PCNX2: variants seen among roughly 807,000 people sequenced by gnomAD.
PCNX2 encodes pecanex 2.
Under a neutral mutation model 223.8 loss-of-function variants are expected in PCNX2, and 168 were observed. The observed-to-expected ratio is 0.75, with a 90% CI of 0.66 to 0.85. The LOEUF (loss-of-function observed/expected upper bound fraction) is 0.85, where lower values mean the gene tolerates loss of function less well. PCNX2 is among the 40% of genes least tolerant of loss of function. The pLI, the probability that PCNX2 is intolerant of heterozygous loss-of-function variation, is 0.00. For synonymous variants in PCNX2, 1,006 were observed against 1,052.6 expected, an observed-to-expected ratio of 0.96 and a Z score of 0.86; for missense variants, 2,507 against 2,675.5, an observed-to-expected ratio of 0.94 and a Z score of 1.39.
chr1:233,054,136 G>T (rs1672105477), intron 25 of PCNX2, 132 bp downstream of exon 25: 1 of 722,352 alleles, frequency 1.4e-6, no homozygotes, highest in Admixed American at 2.8e-5. Context: ...TCAAGGTAGT[G>T]GTGGCAAGCT....
At chr1:233,238,295 T>G (rs912921869) in intron 8 of PCNX2, among the ~76,000 whole-genome samples, 1 of 152,242 alleles carries the variant, frequency 6.6e-6, no homozygotes, top group Non-Finnish European at 1.5e-5. Flanking sequence ...ACACCTTTCA[T>G]GATAAAGTTT....
upstream of PCNX2, among the ~76,000 whole-genome samples, chr1:233,297,584 C>T (rs988859456): frequency 6.6e-6 from 1 of 152,066 alleles, no homozygotes; most frequent in African/African-American, 2.4e-5. Flanking sequence ...GAATAGTTCT[C>T]CAGGCACATG....
Position 233,250,817 on chromosome 1 carries a change from C to T in PCNX2, c.2144G>A (p.Cys715Tyr), listed in dbSNP as rs1162959511. 1 of 1,592,652 alleles carries T rather than the reference C, an allele frequency of 6.3e-7. No individual in the cohort carries two copies. The highest frequency in any genetic ancestry group is 8.6e-7 in the Non-Finnish European group (1 of 1,168,490). ...TTTCTGATTTCCAGATTTTAAATAA[C>T]AGGATCTAATTTCCCCTGTAAAATC... is the stretch of plus-strand genomic sequence containing the variant. The part of the protein sequence containing the change: ...FIDEHGEIRS[C>Y]YLKSGNQKEG... Residue 715 changes from cysteine to tyrosine, a missense_variant, in exon 8 of 34, where the codon TGT becomes TAT. Cys to Tyr is a radical substitution (Grantham distance 194, BLOSUM62 -2). Transcript: ENST00000258229.
intron 25 of PCNX2, among the ~76,000 whole-genome samples, chr1:233,039,275 G>A (rs1671563214): frequency 6.6e-6 from 1 of 151,832 alleles, no homozygotes; most frequent in South Asian, 2.1e-4. Context: ...TCCCTCTCAA[G>A]CAGGGAGTCT....
At chr1:233,210,742 C>T (rs926273773) in intron 12 of PCNX2, among the ~76,000 whole-genome samples, 1 of 152,158 alleles carries the variant, frequency 6.6e-6, no homozygotes, top group Non-Finnish European at 1.5e-5. Flanking sequence ...GAAGTCTGAT[C>T]ATAATCTCTT....
the PCNX2 span, among the ~76,000 whole-genome samples, chr1:233,321,308 A>AT: frequency 6.6e-6 from 1 of 151,512 alleles, no homozygotes; most frequent in Non-Finnish European, 1.5e-5. Context: ...ATTTCTTTTT[A>AT]TTTTTTTGAG....
At chr1:233,282,893 G>A (rs1313988684) in intron 1 of PCNX2, among the ~76,000 whole-genome samples, 2 of 152,024 alleles carry the variant, frequency 1.3e-5, no homozygotes, top group East Asian at 3.8e-4. Flanking sequence ...ATAGCTACAA[G>A]TGAACCTAAC....
At chr1:232,988,867 TG>T (rs1322900217) in intron 32 of PCNX2, among the ~76,000 whole-genome samples, 2 of 152,224 alleles carry the variant, frequency 1.3e-5, no homozygotes, top group Admixed American at 1.3e-4. Context: ...TAGATGAGGC[TG>T]GCGTAGTGAG....
At chr1:233,251,054 T>C (rs1352281775) in intron 7 of PCNX2, among the ~76,000 whole-genome samples, 1 of 151,958 alleles carries the variant, frequency 6.6e-6, no homozygotes, top group East Asian at 1.9e-4. Flanking sequence ...TTCGACCTGC[T>C]TCCCTGCTAA....
At chr1:233,161,192 A>G (rs1678452315) in intron 18 of PCNX2, 79 bp downstream of exon 18, 11 of 1,338,590 alleles carry the variant, frequency 8.2e-6, no homozygotes, top group Non-Finnish European at 1.2e-5. Flanking sequence ...TGTCTTGTCA[A>G]TACCCTGTAG....
intron 17 of PCNX2, among the ~76,000 whole-genome samples, chr1:233,174,170 G>T: frequency 1.1e-5 from 1 of 94,714 alleles, no homozygotes; most frequent in African/African-American, 3.6e-5. Context: ...ATATTATATA[G>T]TATTATAATA....
chr1:233,256,231 T>C (rs1355342318), intron 5 of PCNX2, among the ~76,000 whole-genome samples: 1 of 152,150 alleles, frequency 6.6e-6, no homozygotes, highest in Admixed American at 6.5e-5. Context: ...AAACTTTACA[T>C]ACAGCCTGAG....
chr1:233,086,494 A>G (rs1673605894), intron 23 of PCNX2, among the ~76,000 whole-genome samples: 1 of 151,446 alleles, frequency 6.6e-6, no homozygotes, highest in Non-Finnish European at 1.5e-5. Flanking sequence ...CGTCTCTACT[A>G]AAAATACAAA....
chr1:233,090,872 A>G (rs1255207072), intron 22 of PCNX2, among the ~76,000 whole-genome samples: 3 of 152,232 alleles, frequency 2.0e-5, no homozygotes, highest in Non-Finnish European at 4.4e-5. Context: ...GCTTGATCAA[A>G]GAGGTAATTG....
chr1:233,000,439 C>A lies in PCNX2; in HGVS notation c.5194G>T (p.Asp1732Tyr). The A allele has an allele frequency of 6.3e-7, 1 of 1,599,158 alleles. No individual in the cohort carries two copies. Among genetic ancestry groups the A allele is most frequent in the Non-Finnish European group, 8.5e-7 (1 of 1,171,312 alleles). Residue 1732 changes from aspartate (D) to tyrosine (Y), a missense_variant, in exon 30 of 34, where the codon GAC (aspartate) becomes TAC (tyrosine). Coordinates refer to ENST00000258229, the MANE Select transcript of PCNX2 (RefSeq NM_014801.4). This position sits in a 1 kb window ranked among gnomAD's most constrained non-coding sequence, Gnocchi z 4.6. ...AGCACTGCGCCCCGCCAGGCCGGGT[C>A]GCCCTCGTGGCAGATGACCACCTTC... The part of the protein sequence containing the change: ...EKKVVICHEG[D>Y]PAWRGAVLSN...
chr1:233,044,995 T>C (rs1027143771), intron 25 of PCNX2, among the ~76,000 whole-genome samples: 2 of 152,196 alleles, frequency 1.3e-5, no homozygotes, highest in Non-Finnish European at 2.9e-5. Flanking sequence ...ATAGAATTTG[T>C]ATCAATCATT....
the PCNX2 span, among the ~76,000 whole-genome samples, chr1:233,301,481 G>A: frequency 0.016 from 2,369 of 152,158 alleles, 57 homozygotes; most frequent in African/African-American, 0.055. Context: ...GACAGGAAAC[G>A]AAAACTTGAC....
intron 21 of PCNX2, among the ~76,000 whole-genome samples, chr1:233,114,062 C>T (rs144321184): frequency 1.3e-5 from 2 of 152,014 alleles, no homozygotes; most frequent in African/African-American, 4.8e-5. Context: ...GTGGGAGATA[C>T]AATAATATAA....
At position 233,000,765 on chromosome 1, in the gene PCNX2, T is replaced by C. The variant is rs747251893; in HGVS notation, c.5098-230A>G. On this transcript the variant is annotated intron_variant, in intron 29 of 33. Transcript: ENST00000258229. The surrounding 1 kb of genome is among the most constrained non-coding windows in gnomAD (Gnocchi z 4.6). Reference sequence around the variant, plus strand: ...AAGAGCTTCATGGCTTAGGTTCCTCTGACCTTTAGATATAGTTTTAGATAT... The same window carrying C: ...AAGAGCTTCATGGCTTAGGTTCCTCCGACCTTTAGATATAGTTTTAGATAT... Among the ~76,000 whole-genome samples the C allele has an allele frequency of 2.6e-5, 4 of 152,254 alleles. No homozygotes were observed. Among genetic ancestry groups the C allele is most frequent in the Admixed American group, 1.3e-4 (2 of 15,292 alleles).
Sources: allele counts gnomAD v4.1 joint callset (sites outside exome capture counted in the v4.1 genomes callset), GRCh38; gene constraint gnomAD v4.1.1; non-coding constraint Gnocchi (gnomAD v3.1); transcripts MANE v1.5; gene names NCBI Gene and HGNC (gene_info 2026-07-23, HGNC 2026-07-21).